KCNB2: variants seen among roughly 807,000 people sequenced by gnomAD.
KCNB2 encodes potassium voltage-gated channel subfamily B member 2, also known as delayed rectifier potassium channel protein.
KCNB2 carries 15 observed loss-of-function variants against 61.5 expected under a neutral mutation model. That is an observed-to-expected ratio of 0.24 (90% confidence interval 0.16 to 0.38). KCNB2 has a LOEUF of 0.38. KCNB2 is among the 10% of genes least tolerant of loss of function. The pLI is 1.00. For synonymous variants in KCNB2, 457 were observed against 446.0 expected, an observed-to-expected ratio of 1.02 and a Z score of -0.31; for missense variants, 828 against 1,125.2, an observed-to-expected ratio of 0.74 and a Z score of 3.78.
intron 2 of KCNB2, among the ~76,000 whole-genome samples, chr8:72,897,994 C>T (rs1007911231): frequency 2.0e-5 from 3 of 152,100 alleles, no homozygotes; most frequent in African/African-American, 7.2e-5. Context: ...ACCTCTGATA[C>T]CTCTAGCTTT....
intron 2 of KCNB2, among the ~76,000 whole-genome samples, chr8:72,671,980 AC>A (rs1423061506): frequency 6.6e-6 from 1 of 152,126 alleles, no homozygotes. Context: ...GTCTTGGCAG[AC>A]TCATGGGCTA....
At chr8:72,825,210 G>A (rs1444849401) in intron 2 of KCNB2, among the ~76,000 whole-genome samples, 3 of 152,154 alleles carry the variant, frequency 2.0e-5, no homozygotes, top group African/African-American at 7.2e-5. Flanking sequence ...ATCCATGTTG[G>A]AGTATACATC....
chr8:72,629,131 G>A (rs894922176), intron 2 of KCNB2, among the ~76,000 whole-genome samples: 1 of 152,140 alleles, frequency 6.6e-6, no homozygotes, highest in Non-Finnish European at 1.5e-5. Flanking sequence ...GGAAAGCCAG[G>A]TATGGTTAAG....
chr8:72,595,919 G>A (rs1807182115), intron 2 of KCNB2, among the ~76,000 whole-genome samples: 1 of 152,118 alleles, frequency 6.6e-6, no homozygotes, highest in South Asian at 2.1e-4. Flanking sequence ...CACTAGTTGA[G>A]ACAGACAGTG....
At chr8:72,738,843 A>G (rs975479818) in intron 2 of KCNB2, among the ~76,000 whole-genome samples, 5 of 152,206 alleles carry the variant, frequency 3.3e-5, no homozygotes, top group African/African-American at 9.6e-5. Flanking sequence ...GTTTTATCAT[A>G]TTAAGTAACA....
Position 72,568,261 on chromosome 8 carries a change from G to A in KCNB2, c.527G>A (p.Arg176Lys). Residue 176 changes from arginine to lysine, a missense_variant, in exon 2 of 3, where the codon AGG (arginine) becomes AAG (lysine). Physicochemically the swap from Arg to Lys is conservative, Grantham distance 26. This residue lies in a region of KCNB2 where 163 missense variants were observed against 314.4 expected (regional missense o/e 0.52). Coordinates refer to ENST00000523207, the MANE Select transcript of KCNB2 (RefSeq NM_004770.3). ...GATAATACCTGCTGCCCTGATAAAA[G>A]GAAGAAACTGTGGGACTTGCTGGAG... ...EFDNTCCPDKRKKLWDLLEKP... is the reference protein window; with the variant it reads ...EFDNTCCPDKKKKLWDLLEKP... The A allele has an allele frequency of 6.2e-7, 1 of 1,613,542 alleles. No homozygotes were observed. The highest frequency in any genetic ancestry group is 1.3e-5 in the African/African-American group (1 of 74,922).
chr8:72,617,619 T>C (rs899803669), intron 2 of KCNB2, among the ~76,000 whole-genome samples: 1 of 151,118 alleles, frequency 6.6e-6, no homozygotes, highest in Non-Finnish European at 1.5e-5. Context: ...AAAATGACAG[T>C]AGACTATAGC....
intron 2 of KCNB2, among the ~76,000 whole-genome samples, chr8:72,770,599 G>T (rs1400969878): frequency 6.6e-6 from 1 of 152,098 alleles, no homozygotes; most frequent in Non-Finnish European, 1.5e-5. Context: ...ATAATCTAGG[G>T]CAAGTTACTT....
At chr8:72,725,603 A>ACG (rs1554587092) in intron 2 of KCNB2, among the ~76,000 whole-genome samples, 1 of 110,960 alleles carries the variant, frequency 9.0e-6, no homozygotes, top group African/African-American at 4.5e-5. Flanking sequence ...ATATATATAT[A>ACG]TATATATATA....
In KCNB2 at chr8:72,846,829, C is replaced by T. The variant is rs990816012; in HGVS notation, c.580-89106C>T. Reference sequence around the variant, plus strand: ...TTGGTGGGACTGTAAACTAGTTCAACCATTGTGGAAGACAGTGTGGCAATT... The same window carrying T: ...TTGGTGGGACTGTAAACTAGTTCAATCATTGTGGAAGACAGTGTGGCAATT... On this transcript the variant is annotated intron_variant, in intron 2 of 2. Transcript: ENST00000523207. Among the ~76,000 whole-genome samples the T allele has an allele frequency of 3.3e-5, 5 of 152,098 alleles. No individual in the cohort carries two copies. The South Asian group carries it at 1.0e-3, about 32-fold the overall frequency.
intron 2 of KCNB2, among the ~76,000 whole-genome samples, chr8:72,639,013 T>C (rs988168740): frequency 1.3e-5 from 2 of 152,194 alleles, no homozygotes; most frequent in Non-Finnish European, 2.9e-5. Context: ...GCACATGCGG[T>C]GTGCTTAAAT....
intron 2 of KCNB2, among the ~76,000 whole-genome samples, chr8:72,761,289 T>A (rs142054965): frequency 6.6e-5 from 10 of 152,212 alleles, no homozygotes; most frequent in Admixed American, 2.0e-4. Context: ...GCAGCAGGCG[T>A]CTGTCATGCT....
chr8:72,906,922 G>A (rs1806187635), intron 2 of KCNB2, among the ~76,000 whole-genome samples: 1 of 152,156 alleles, frequency 6.6e-6, no homozygotes, highest in Non-Finnish European at 1.5e-5. Context: ...TCCATTAATA[G>A]CAGAGAAATA....
chr8:72,701,519 C>A (rs148143859), intron 2 of KCNB2, among the ~76,000 whole-genome samples: 255 of 147,924 alleles, frequency 1.7e-3, no homozygotes, highest in African/African-American at 6.2e-3. Flanking sequence ...TGGTATTTTA[C>A]CTTACACCTG....
intron 2 of KCNB2, among the ~76,000 whole-genome samples, chr8:72,924,676 C>T (rs1806599960): frequency 6.6e-6 from 1 of 152,132 alleles, no homozygotes; most frequent in East Asian, 1.9e-4. Flanking sequence ...CAATAAACAC[C>T]TCCTCAGTCT....
intron 2 of KCNB2, among the ~76,000 whole-genome samples, chr8:72,665,236 G>T (rs185715958): frequency 1.3e-5 from 2 of 152,280 alleles, no homozygotes; most frequent in Admixed American, 1.3e-4. Context: ...CCAAACAAGA[G>T]GACCACGGTC....
chr8:72,609,568 C>T (rs1015350329), intron 2 of KCNB2, among the ~76,000 whole-genome samples: 12 of 151,698 alleles, frequency 7.9e-5, no homozygotes, highest in African/African-American at 2.4e-4. Context: ...TTTCTGTTGC[C>T]CTTTTATTTG....
intron 2 of KCNB2, among the ~76,000 whole-genome samples, chr8:72,917,748 C>T (rs2128156): frequency 0.62 from 93,708 of 152,018 alleles, 29,955 homozygotes; most frequent in Middle Eastern, 0.7. Context: ...AATGTTTTTG[C>T]GGTATAATTT....
rs1243856335 is a variant in KCNB2 at position 72,742,038 on chromosome 8, TG to T, written c.579+173726del. ...TCACTGTATGAAAAAGACACTTGCA[TG>T]TGCATGTTTATAGCAGAACAATTTG... On this transcript the variant is annotated intron_variant, in intron 2 of 2. Transcript: ENST00000523207. 9.2e-5 allele frequency among the ~76,000 whole-genome samples: 14 copies of T among 152,326 alleles called. No homozygotes were observed. The East Asian group carries it at 2.5e-3, about 27-fold the overall frequency.
Sources: gnomAD v4.1 joint callset for allele counts (sites outside exome capture counted in the v4.1 genomes callset) on GRCh38, gnomAD v4.1.1 for gene constraint, gnomAD v4.1.1 regional missense constraint, MANE v1.5 for transcripts, NCBI Gene and HGNC (gene_info 2026-07-23, HGNC 2026-07-21) for gene names.